ST3GAL3: variants seen among roughly 807,000 people sequenced by gnomAD.
ST3GAL3 encodes the protein ST3 beta-galactoside alpha-2,3-sialyltransferase 3, also known as CMP-N-acetylneuraminate-beta-1,4-galactoside alpha-2,3-sialyltransferase.
Under a neutral mutation model 50.1 loss-of-function variants are expected in ST3GAL3, and 21 were observed. That is an observed-to-expected ratio of 0.42 (90% CI 0.30 to 0.60). ST3GAL3 has a LOEUF of 0.60. Among genes scored for constraint, ST3GAL3 ranks in the 20% least tolerant of loss-of-function variants. ST3GAL3 has a pLI of 0.19. For synonymous variants in ST3GAL3, 183 were observed against 190.0 expected, an observed-to-expected ratio of 0.96 and a Z score of 0.30; for missense variants, 353 against 489.4, an observed-to-expected ratio of 0.72 and a Z score of 2.63.
chr1:43,847,141 C>T (rs770357910), intron 5 of ST3GAL3, among the ~76,000 whole-genome samples: 1 of 152,096 alleles, frequency 6.6e-6, no homozygotes, highest in Non-Finnish European at 1.5e-5. Context: ...TATCCCAAAA[C>T]CAGAAAATAA....
chr1:43,897,327 G>A (rs549768839), intron 6 of ST3GAL3, among the ~76,000 whole-genome samples: 23 of 152,100 alleles, frequency 1.5e-4, no homozygotes, highest in Non-Finnish European at 8.8e-5. Flanking sequence ...CTTTGTGTAC[G>A]TTATTTTATA....
intron 2 of ST3GAL3, among the ~76,000 whole-genome samples, chr1:43,752,532 G>A (rs12070700): frequency 6.6e-6 from 1 of 151,852 alleles, no homozygotes; most frequent in East Asian, 1.9e-4. Flanking sequence ...ACAGGGTCTC[G>A]CTCTGTGTCC....
chr1:43,924,682 C>T (rs1461817344), intron 11 of ST3GAL3, among the ~76,000 whole-genome samples: 1 of 152,098 alleles, frequency 6.6e-6, no homozygotes, highest in African/African-American at 2.4e-5. Flanking sequence ...TTGGCTGAGA[C>T]AATGAGAGGT....
intron 5 of ST3GAL3, among the ~76,000 whole-genome samples, chr1:43,876,633 A>G (rs2074171923): frequency 6.6e-6 from 1 of 152,208 alleles, no homozygotes; most frequent in Non-Finnish European, 1.5e-5. Context: ...TTTACCAGGT[A>G]ATGGCAGTAC....
chr1:43,771,066 A>G (rs748951440), intron 2 of ST3GAL3, among the ~76,000 whole-genome samples: 6 of 152,202 alleles, frequency 3.9e-5, no homozygotes, highest in Non-Finnish European at 7.3e-5. Flanking sequence ...TCACTCTTCC[A>G]GCTGTAGTTG....
chr1:43,806,023 C>G (rs1416967134), intron 3 of ST3GAL3, among the ~76,000 whole-genome samples: 1 of 152,068 alleles, frequency 6.6e-6, no homozygotes, highest in Non-Finnish European at 1.5e-5. Flanking sequence ...CGTGAACCAC[C>G]GTGCCCGGCA....
At chr1:43,796,004 C>T (rs1281904294) in intron 3 of ST3GAL3, among the ~76,000 whole-genome samples, 1 of 152,136 alleles carries the variant, frequency 6.6e-6, no homozygotes. Context: ...AAAAGGGCTC[C>T]CAAGGCTCAG....
chr1:43,752,570 G>A (rs1686574688), intron 2 of ST3GAL3, among the ~76,000 whole-genome samples: 1 of 152,068 alleles, frequency 6.6e-6, no homozygotes, highest in Non-Finnish European at 1.5e-5. Context: ...GCACAATCAC[G>A]GCTCACTGCA....
At chr1:43,858,317 T>G (rs2069023778) in intron 5 of ST3GAL3, 2 of 1,264,170 alleles carry the variant, frequency 1.6e-6, no homozygotes, top group Non-Finnish European at 2.1e-6. Context: ...AGGTGGGGCT[T>G]CGGCAGCAAG....
rs530684102 is a variant in ST3GAL3 at position 43,759,880 on chromosome 1, T to C, written c.118+23500T>C. On this transcript the variant is annotated intron_variant, in intron 2 of 11. Transcript: ENST00000347631. Reference sequence around the variant, plus strand: ...ATGCGTTGTTTCACTCAAAAACGAATGTCTACTCAGGAGGTTGAGACAGAA... The same window carrying C: ...ATGCGTTGTTTCACTCAAAAACGAACGTCTACTCAGGAGGTTGAGACAGAA... 3.3e-3 allele frequency among the ~76,000 whole-genome samples: 497 copies of C among 152,326 alleles called. 2 individuals are homozygous for C. The highest frequency in any genetic ancestry group is 0.011 in the African/African-American group (472 of 41,564).
intron 1 of ST3GAL3, chr1:43,716,577 T>G (rs1357985919): frequency 6.6e-6 from 1 of 152,210 alleles, no homozygotes; most frequent in Non-Finnish European, 1.5e-5. Flanking sequence ...CATCCAATTT[T>G]TACGGAACTA....
At chr1:43,911,835 C>A (rs1228903981) in intron 9 of ST3GAL3, 3 of 151,976 alleles carry the variant, frequency 2.0e-5, no homozygotes, top group African/African-American at 7.3e-5. Context: ...GCTACAGGTG[C>A]ACCCCACCAT....
chr1:43,857,592 C>T lies in ST3GAL3; in HGVS notation c.302+19281C>T, dbSNP rs1213195787. On this transcript the variant is annotated intron_variant, in intron 5 of 11. Coordinates refer to ENST00000347631, the MANE Select transcript of ST3GAL3 (RefSeq NM_006279.5). ...CTTTCTTTCCTTCCTCCCTCCCTTC[C>T]TTCCTTCCTTCCTTCCTTCCTTCCT... Among the ~76,000 whole-genome samples, 8 of 123,118 alleles carry T rather than the reference C, an allele frequency of 6.5e-5. 2 individuals carry two copies. The East Asian group carries it at 1.6e-3, about 24-fold the overall frequency. 80.8% of individuals were successfully genotyped at this position (123,118 alleles called of 152,430 possible).
chr1:43,878,952 C>T (rs2074595834), intron 5 of ST3GAL3: 1 of 450,438 alleles, frequency 2.2e-6, no homozygotes, highest in Non-Finnish European at 4.5e-6. Context: ...CAGATAATTA[C>T]ACCCTCCAGA....
chr1:43,865,885 GT>G (rs1342772969), intron 5 of ST3GAL3, among the ~76,000 whole-genome samples: 1 of 152,154 alleles, frequency 6.6e-6, no homozygotes, highest in African/African-American at 2.4e-5. Flanking sequence ...TTTTGTTTTA[GT>G]TTTGTTTTTG....
intron 5 of ST3GAL3, among the ~76,000 whole-genome samples, chr1:43,873,025 G>A (rs961690013): frequency 9.2e-5 from 14 of 151,930 alleles, no homozygotes; most frequent in Admixed American, 6.6e-4. Context: ...GAGAGATGAA[G>A]TAAGAAAGAG....
At chr1:43,775,616 C>T (rs796353716) in intron 2 of ST3GAL3, among the ~76,000 whole-genome samples, 6 of 152,242 alleles carry the variant, frequency 3.9e-5, no homozygotes, top group African/African-American at 1.4e-4. Context: ...TGGGCTAAAC[C>T]TAATACATCT....
chr1:43,887,968 A>G (rs2076200181), intron 5 of ST3GAL3, among the ~76,000 whole-genome samples: 1 of 152,124 alleles, frequency 6.6e-6, no homozygotes, highest in Admixed American at 6.6e-5. Flanking sequence ...GAGGAGGAAG[A>G]GACTAGAGCA....
At chr1:43,772,249 T>C (rs943192000) in intron 2 of ST3GAL3, 7 of 372,738 alleles carry the variant, frequency 1.9e-5, no homozygotes, top group Non-Finnish European at 3.3e-5. Context: ...GGTTTCTCCA[T>C]GTTGGTCAGG....
Sources: allele counts gnomAD v4.1 joint callset (sites outside exome capture counted in the v4.1 genomes callset), GRCh38; gene constraint gnomAD v4.1.1; transcripts MANE v1.5; gene names NCBI Gene and HGNC (gene_info 2026-07-23, HGNC 2026-07-21).